Variants in CEACAM8 observed in about 807,000 individuals in gnomAD.
CEACAM8 encodes the protein cell adhesion molecule CEACAM8.
Under a neutral mutation model 33.4 loss-of-function variants are expected in CEACAM8, and 31 were observed. The observed-to-expected ratio is 0.93, with a 90% confidence interval of 0.70 to 1.25. The LOEUF (loss-of-function observed/expected upper bound fraction) is 1.25. CEACAM8 is among the 50% of genes most tolerant of loss of function. CEACAM8 has a pLI of 0.00. For missense variants in CEACAM8, 388 were observed against 434.6 expected (o/e 0.89, Z 0.95); for synonymous variants, 138 against 164.5 (o/e 0.84, Z 1.23).
intron 2 of CEACAM8, among the ~76,000 whole-genome samples, chr19:42,593,148 G>A (rs566484122): frequency 6.6e-6 from 1 of 152,336 alleles, no homozygotes; most frequent in South Asian, 2.1e-4. Context: ...CAGGGGTCTG[G>A]AGCAGGGGCT....
chr19:42,587,661 G>A (rs1205844156), intron 4 of CEACAM8, among the ~76,000 whole-genome samples: 1 of 152,180 alleles, frequency 6.6e-6, no homozygotes, highest in East Asian at 1.9e-4. Context: ...AAAAAGTTCT[G>A]GAAATGGATG....
Position 42,580,656 on chromosome 19 carries a change from G to C in CEACAM8, c.*738C>G, listed in dbSNP as rs2042248216. 6.6e-6 allele frequency: 1 copy of C among 152,154 alleles called. No individual in the cohort carries two copies. The highest frequency in any genetic ancestry group is 2.4e-5 in the African/African-American group (1 of 41,402). 9.4% of individuals were successfully genotyped at this position (152,154 alleles called of 1,614,324 possible). On this transcript the variant is annotated 3_prime_UTR_variant, in exon 6 of 6. Coordinates refer to ENST00000244336, the MANE Select transcript of CEACAM8 (RefSeq NM_001816.4). ...CCCAGTTCTGTGGCAGTCAGGTAGG[G>C]AGCAAAAGTAAATGTTATAATTTTT... is the stretch of plus-strand genomic sequence containing the variant.
intron 4 of CEACAM8, among the ~76,000 whole-genome samples, chr19:42,588,251 C>T (rs189218920): frequency 6.6e-6 from 1 of 152,294 alleles, no homozygotes; most frequent in East Asian, 1.9e-4. Flanking sequence ...ACACCTGGGT[C>T]CCACCCCAGG....
In CEACAM8 at chr19:42,589,503, G is replaced by A. The variant is rs144009826; in HGVS notation, c.657C>T (p.Asn219=). ...DVGPYECEIQ[N]PASANFSDPV... ...GGTCACTGAAGTTTGCACTCGCTGG[G>A]TTCTGTATTTCACATTCATAGGGTC... The change falls in exon 3 of 6, where the codon AAC becomes AAT. Residue 219 remains asparagine, a synonymous_variant. Transcript: ENST00000244336. 4.3e-6 allele frequency: 7 copies of A among 1,614,104 alleles called. No homozygotes were observed. Among genetic ancestry groups the A allele is most frequent in the Non-Finnish European group, 5.1e-6 (6 of 1,180,044 alleles).
chr19:42,585,021 A>G (rs1197802447), intron 4 of CEACAM8, among the ~76,000 whole-genome samples: 1 of 152,232 alleles, frequency 6.6e-6, no homozygotes. Context: ...GACTCCCAGC[A>G]TGGTGGCTTA....
rs951963582 is a variant in CEACAM8 at position 42,593,678 on chromosome 19, C to T, written c.287G>A (p.Ser96Asn). 1 of 1,614,102 alleles carries T rather than the reference C, an allele frequency of 6.2e-7. No individual in the cohort carries two copies. Among genetic ancestry groups the T allele is most frequent in the Non-Finnish European group, 8.5e-7 (1 of 1,179,974 alleles). ...NQQITPGPAY[S>N]NRETIYPNAS... ...ATTGGGGTATATTGTCTCTCGATTG[C>T]TGTATGCAGGCCCTGGGGTAATCTG... Residue 96 changes from serine (S) to asparagine (N), a missense_variant, in exon 2 of 6, where the codon AGC (serine) becomes AAC (asparagine). Coordinates refer to ENST00000244336, the MANE Select transcript of CEACAM8 (RefSeq NM_001816.4).
intron 4 of CEACAM8, among the ~76,000 whole-genome samples, chr19:42,586,259 A>T (rs1447513663): frequency 6.6e-6 from 1 of 152,200 alleles, no homozygotes; most frequent in Non-Finnish European, 1.5e-5. Context: ...GTTCATATGG[A>T]ATTTCAGGAC....
chr19:42,583,745 T>C (rs45589137), intron 4 of CEACAM8, among the ~76,000 whole-genome samples: 5 of 152,318 alleles, frequency 3.3e-5, no homozygotes, highest in Middle Eastern at 3.4e-3. Flanking sequence ...GCATTCCAAA[T>C]TGACCACCTC....
Position 42,589,495 on chromosome 19 carries a change from C to G in CEACAM8, c.665G>C (p.Ser222Thr), listed in dbSNP as rs752071582. ...PYECEIQNPA[S>T]ANFSDPVTLN... ...GGTGACTGGGTCACTGAAGTTTGCA[C>G]TCGCTGGGTTCTGTATTTCACATTC... The change falls in exon 3 of 6, where the codon AGT becomes ACT. Residue 222 changes from serine to threonine, a missense_variant. Transcript: ENST00000244336. 1 of 1,614,220 alleles carries G rather than the reference C, an allele frequency of 6.2e-7. No individual in the cohort carries two copies. Among genetic ancestry groups the G allele is most frequent in the Non-Finnish European group, 8.5e-7 (1 of 1,180,046 alleles).
chr19:42,588,747 A>G (rs369044253), intron 4 of CEACAM8, 37 bp downstream of exon 4: 26 of 1,610,288 alleles, frequency 1.6e-5, no homozygotes, highest in Non-Finnish European at 2.1e-5. Context: ...AGACTCTACC[A>G]GAAAACATAC....
chr19:42,580,757 AAAAG>A lies in CEACAM8; in HGVS notation c.*633_*636del, dbSNP rs1247420112. On this transcript the variant is annotated 3_prime_UTR_variant, in exon 6 of 6. Transcript: ENST00000244336. ...AAGATAAAGAAATTCATAAATCTGAAAAAGAAAACACTTAAAGAATTGGCAATTT... is the reference window on the plus strand; with the variant it reads ...AAGATAAAGAAATTCATAAATCTGAAAAAACACTTAAAGAATTGGCAATTT... The A allele has an allele frequency of 6.6e-6, 1 of 152,214 alleles. No individual in the cohort carries two copies. Among genetic ancestry groups the A allele is most frequent in the African/African-American group, 2.4e-5 (1 of 41,464 alleles). The allele number at this position is 152,214 out of a possible 1,614,324, so 9.4% of individuals were successfully genotyped here. A position where few individuals can be genotyped will look rare whatever the true frequency, so the allele number is the denominator to read the frequency against.
intron 4 of CEACAM8, among the ~76,000 whole-genome samples, chr19:42,587,307 A>G (rs1568693646): frequency 6.6e-6 from 1 of 152,240 alleles, no homozygotes; most frequent in Non-Finnish European, 1.5e-5. Context: ...TCACAGCAGC[A>G]TTAGTCACAC....
intron 5 of CEACAM8, among the ~76,000 whole-genome samples, chr19:42,581,800 G>A (rs1426538812): frequency 7.0e-6 from 1 of 143,040 alleles, no homozygotes; most frequent in Non-Finnish European, 1.5e-5. Flanking sequence ...TGAGGCAGGA[G>A]AATTGCTTGA....
At chr19:42,591,270 A>G (rs1568697735) in intron 2 of CEACAM8, among the ~76,000 whole-genome samples, 4 of 152,190 alleles carry the variant, frequency 2.6e-5, no homozygotes, top group Admixed American at 2.6e-4. Flanking sequence ...TCTCTTGATA[A>G]CAAAATAAGG....
At position 42,583,248 on chromosome 19, in the gene CEACAM8, A is replaced by C; in HGVS notation, c.1048T>G (p.Ter350GluextTer1). 4 of 1,598,738 alleles carry C rather than the reference A, an allele frequency of 2.5e-6. No homozygotes were observed. The highest frequency in any genetic ancestry group is 3.4e-6 in the Non-Finnish European group (4 of 1,168,052). ...IGVLARVALI[*>E] ...ATGCAGAAACTACACCAGAGCTACT[A>C]TATCAGAGCCACCCTGGCCAGTACT... is the stretch of plus-strand genomic sequence containing the variant. The change falls in exon 5 of 6, where the codon TAG (stop) becomes GAG (glutamate). Residue 350 changes from the stop codon to glutamate, a stop_lost. Transcript: ENST00000244336.
At chr19:42,592,568 A>G (rs2042461891) in intron 2 of CEACAM8, among the ~76,000 whole-genome samples, 1 of 139,340 alleles carries the variant, frequency 7.2e-6, no homozygotes, top group Non-Finnish European at 1.5e-5. Context: ...GCACCACTGC[A>G]CTCCAGCCTG....
intron 1 of CEACAM8, 116 bp downstream of exon 1, chr19:42,594,649 A>T: frequency 1.3e-6 from 1 of 768,258 alleles, no homozygotes; most frequent in Non-Finnish European, 2.3e-6. Context: ...CCTCTCCTCT[A>T]TTAAGGCTCC....
intron 3 of CEACAM8, among the ~76,000 whole-genome samples, 167 bp downstream of exon 3, chr19:42,589,290 C>A (rs2042390764): frequency 6.6e-6 from 1 of 152,182 alleles, no homozygotes; most frequent in African/African-American, 2.4e-5. Context: ...TTGGTCAAGG[C>A]TAGGCCTACC....
chr19:42,584,147 G>A (rs558052233), intron 4 of CEACAM8, among the ~76,000 whole-genome samples: 3 of 151,830 alleles, frequency 2.0e-5, no homozygotes, highest in South Asian at 2.1e-4. Flanking sequence ...CCATGTCCTC[G>A]TGTTTCCTGT....
Sources: allele counts gnomAD v4.1 joint callset (sites outside exome capture counted in the v4.1 genomes callset), GRCh38; gene constraint gnomAD v4.1.1; transcripts MANE v1.5; gene names NCBI Gene and HGNC (gene_info 2026-07-23, HGNC 2026-07-21).